The following MBOAT2 variants were observed in gnomAD, a reference collection of about 807,000 sequenced individuals.
MBOAT2 encodes the protein membrane-bound glycerophospholipid O-acyltransferase 2.
In MBOAT2, 28 loss-of-function variants were observed where a neutral mutation model predicts 63.4. The ratio of observed to expected loss-of-function variants is 0.44; its 90% confidence interval spans 0.33 to 0.61. MBOAT2 has a LOEUF of 0.61. Ranked by LOEUF, MBOAT2 falls within the 20% of genes least tolerant of loss-of-function variation. The pLI, the probability that MBOAT2 is intolerant of heterozygous loss-of-function variation, is 0.03. For synonymous variants in MBOAT2, 211 were observed against 215.6 expected (o/e 0.98, Z 0.19); for missense variants, 470 against 605.8 (o/e 0.78, Z 2.35).
chr2:8,992,785 G>T (rs1035164440), intron 1 of MBOAT2, among the ~76,000 whole-genome samples: 3 of 152,218 alleles, frequency 2.0e-5, no homozygotes, highest in Non-Finnish European at 4.4e-5. Flanking sequence ...GTCAGAGCTT[G>T]GGACTTCCCA....
At chr2:8,861,983 AT>A (rs1661531777) in intron 11 of MBOAT2, among the ~76,000 whole-genome samples, 1 of 152,220 alleles carries the variant, frequency 6.6e-6, no homozygotes, top group Admixed American at 6.5e-5. Context: ...TGTAAGTGCC[AT>A]TACCAGCTTG....
intron 1 of MBOAT2, among the ~76,000 whole-genome samples, chr2:8,968,952 T>G (rs922369468): frequency 5.9e-5 from 9 of 152,092 alleles, no homozygotes; most frequent in African/African-American, 2.2e-4. Context: ...GGAAAAACAC[T>G]CTGCAGGATA....
chr2:9,000,906 T>C (rs148434314), intron 1 of MBOAT2, among the ~76,000 whole-genome samples: 1 of 152,224 alleles, frequency 6.6e-6, no homozygotes, highest in Non-Finnish European at 1.5e-5. Flanking sequence ...TAAAACATAC[T>C]GTACAGTTGT....
intron 1 of MBOAT2, among the ~76,000 whole-genome samples, chr2:8,984,918 G>A (rs1316497502): frequency 1.3e-5 from 2 of 152,136 alleles, no homozygotes; most frequent in African/African-American, 4.8e-5. Flanking sequence ...GTCTGAACAA[G>A]GGGAAGCAGA....
intron 1 of MBOAT2, among the ~76,000 whole-genome samples, chr2:8,970,352 C>G (rs1558668720): frequency 6.6e-6 from 1 of 152,202 alleles, no homozygotes; most frequent in Non-Finnish European, 1.5e-5. Context: ...ACCAGAATCT[C>G]TGGGACACAT....
chr2:8,899,374 A>G (rs527624532), intron 4 of MBOAT2, among the ~76,000 whole-genome samples: 7 of 152,348 alleles, frequency 4.6e-5, no homozygotes, highest in Non-Finnish European at 7.3e-5. Flanking sequence ...AGGCTGTTCC[A>G]GGATTCCTCG....
chr2:8,989,651 T>C (rs1671793001), intron 1 of MBOAT2, among the ~76,000 whole-genome samples: 2 of 152,098 alleles, frequency 1.3e-5, no homozygotes. Context: ...ATAGGAAGTG[T>C]CCAATTCTCT....
intron 3 of MBOAT2, among the ~76,000 whole-genome samples, chr2:8,930,605 C>T (rs995990714): frequency 5.3e-5 from 8 of 151,012 alleles, no homozygotes; most frequent in Non-Finnish European, 1.0e-4. Flanking sequence ...AGTAATGGGA[C>T]GGCTGGGTCA....
intron 1 of MBOAT2, among the ~76,000 whole-genome samples, chr2:8,968,446 G>A (rs1295619357): frequency 6.6e-6 from 1 of 152,200 alleles, no homozygotes; most frequent in Non-Finnish European, 1.5e-5. Flanking sequence ...GAGCAGAAAA[G>A]CTGAAAATTC....
At chr2:8,957,578 A>AAC (rs1316697251) in intron 2 of MBOAT2, among the ~76,000 whole-genome samples, 1 of 152,228 alleles carries the variant, frequency 6.6e-6, no homozygotes, top group Non-Finnish European at 1.5e-5. Context: ...TCCTAGAACA[A>AAC]ACACAGAAGC....
chr2:8,956,503 C>G (rs993256544), intron 2 of MBOAT2, among the ~76,000 whole-genome samples: 1 of 152,098 alleles, frequency 6.6e-6, no homozygotes, highest in African/African-American at 2.4e-5. Context: ...GAGTTCAACA[C>G]CAGTTTGGAC....
At chr2:8,859,356 CAG>C (rs1422468839) in intron 12 of MBOAT2, among the ~76,000 whole-genome samples, 3 of 152,144 alleles carry the variant, frequency 2.0e-5, no homozygotes, top group African/African-American at 7.2e-5. Context: ...AGGGGAGTGA[CAG>C]AGAAGCAATA....
At chr2:8,998,610 G>A (rs1044754572) in intron 1 of MBOAT2, among the ~76,000 whole-genome samples, 1 of 151,336 alleles carries the variant, frequency 6.6e-6, no homozygotes, top group Admixed American at 6.6e-5. Context: ...GGGGAAGAGC[G>A]GGGGGCGGGG....
chr2:8,936,017 T>C (rs1278170530), intron 3 of MBOAT2, among the ~76,000 whole-genome samples: 3 of 152,238 alleles, frequency 2.0e-5, no homozygotes, highest in East Asian at 3.8e-4. Flanking sequence ...TTTGTAACTT[T>C]TTTATTCTAC....
chr2:8,903,976 A>G (rs1012917254), intron 4 of MBOAT2, among the ~76,000 whole-genome samples: 2 of 150,384 alleles, frequency 1.3e-5, no homozygotes, highest in Non-Finnish European at 3.0e-5. Flanking sequence ...TTTTTTTTTT[A>G]TTTTACTTTA....
chr2:8,858,727 G>C lies in MBOAT2; in HGVS notation c.1515C>G (p.Cys505Trp). The change falls in exon 13 of 13, where the codon TGC becomes TGG. Residue 505 changes from cysteine (C) to tryptophan (W), a missense_variant. Transcript: ENST00000305997. Reference sequence around the variant, plus strand: ...TCGAGGCTATTTCTTGATTCTGATTGCAAACATTGTTTGTTGTAGAAAAAC... The same window carrying C: ...TCGAGGCTATTTCTTGATTCTGATTCCAAACATTGTTTGTTGTAGAAAAAC... ...QNSFSTTNNV[C>W]NQNQEIASRH... 1.2e-6 allele frequency: 2 copies of C among 1,613,414 alleles called. No individual in the cohort carries two copies. The highest frequency in any genetic ancestry group is 2.2e-5 in the South Asian group (2 of 91,036).
chr2:8,912,694 C>T (rs534009682), intron 3 of MBOAT2, among the ~76,000 whole-genome samples: 43 of 152,214 alleles, frequency 2.8e-4, no homozygotes, highest in African/African-American at 8.4e-4. Flanking sequence ...AAATCATAGA[C>T]GACACAAACA....
intron 3 of MBOAT2, among the ~76,000 whole-genome samples, chr2:8,933,612 G>T (rs1667471265): frequency 6.6e-6 from 1 of 152,122 alleles, no homozygotes; most frequent in Non-Finnish European, 1.5e-5. Context: ...AAAGCACTTG[G>T]GGTTACAGGC....
intron 6 of MBOAT2, among the ~76,000 whole-genome samples, chr2:8,878,027 C>T (rs1327816174): frequency 6.6e-6 from 1 of 152,184 alleles, no homozygotes; most frequent in East Asian, 1.9e-4. Flanking sequence ...AGATCTGTCT[C>T]AATGCGTCAC....
Sources: allele counts gnomAD v4.1 joint callset (sites outside exome capture counted in the v4.1 genomes callset), GRCh38; gene constraint gnomAD v4.1.1; transcripts MANE v1.5; gene names NCBI Gene and HGNC (gene_info 2026-07-23, HGNC 2026-07-21).